CDH23: variants seen among roughly 807,000 people sequenced by gnomAD.
The protein encoded by CDH23 is cadherin-23.
Under a neutral mutation model 317.1 loss-of-function variants are expected in CDH23, and 189 were observed. The observed-to-expected ratio is 0.60, with a 90% CI of 0.53 to 0.67. The LOEUF (loss-of-function observed/expected upper bound fraction) is 0.67, where lower values mean the gene tolerates loss of function less well. CDH23 is among the 30% of genes least tolerant of loss of function. The probability of loss-of-function intolerance (pLI) is 0.00; values close to 1 mark genes in which losing one functional copy is unlikely to be tolerated. For missense variants in CDH23, 4,401 were observed against 4,592.4 expected (o/e 0.96, Z 1.20); for synonymous variants, 1,839 against 1,876.8 (o/e 0.98, Z 0.52).
chr10:71,798,196 T>G (rs1165799500), intron 49 of CDH23, among the ~76,000 whole-genome samples, 158 bp from the exon 50 acceptor site: 1 of 151,648 alleles, frequency 6.6e-6, no homozygotes. Flanking sequence ...CTGGAAAGCC[T>G]CCTGTGCTGC....
At chr10:71,659,067 G>A (rs946709045) in intron 14 of CDH23, among the ~76,000 whole-genome samples, 15 of 152,186 alleles carry the variant, frequency 9.9e-5, no homozygotes, top group South Asian at 2.1e-4. Flanking sequence ...CAGAGAGCCC[G>A]TGACACCCTG....
At chr10:71,793,033 A>G in intron 47 of CDH23, 149 bp from the exon 48 acceptor site, 1 of 552,426 alleles carries the variant, frequency 1.8e-6, no homozygotes, top group Non-Finnish European at 3.2e-6. Flanking sequence ...TTTTCCTATA[A>G]AATTGCAAGT....
intron 53 of CDH23, among the ~76,000 whole-genome samples, chr10:71,801,150 C>CT (rs386371783): frequency 0.057 from 4,207 of 73,902 alleles, 267 homozygotes; most frequent in Non-Finnish European, 0.075. Flanking sequence ...CTCTCTCTCT[C>CT]TTTTTTTTTT....
In CDH23 at chr10:71,806,229, A is replaced by G. The variant is rs1364205855; in HGVS notation, c.8126A>G (p.Gln2709Arg). 1.3e-6 allele frequency: 2 copies of G among 1,578,568 alleles called. No individual in the cohort carries two copies. The highest frequency in any genetic ancestry group is 2.3e-5 in the South Asian group (2 of 86,110). Residue 2709 changes from glutamine to arginine, a missense_variant, in exon 57 of 70, where the codon CAG (glutamine) becomes CGG (arginine). Physicochemically the swap from Gln to Arg is conservative, Grantham distance 43. Coordinates refer to ENST00000224721, the MANE Select transcript of CDH23 (RefSeq NM_022124.6). The stretch of plus-strand genomic sequence containing the variant: ...CCATACGAGACTATGCAGCCGCTGC[A>G]GGTGGCCCTGGAGGACATCGATGAC... ...PVPYETMQPLQVALEDIDDNE... is the reference protein window; with the variant it reads ...PVPYETMQPLRVALEDIDDNE...
chr10:71,659,414 G>T (rs980985558), intron 14 of CDH23, among the ~76,000 whole-genome samples: 5 of 152,312 alleles, frequency 3.3e-5, no homozygotes, highest in South Asian at 2.1e-4. Flanking sequence ...GCAGCAGGTG[G>T]GTAGGGGACC....
chr10:71,666,265 C>T lies in CDH23; in HGVS notation c.1450-8847C>T, dbSNP rs374893862. Among the ~76,000 whole-genome samples, 7 of 151,976 alleles carry T rather than the reference C, an allele frequency of 4.6e-5. No homozygotes were observed. In the East Asian group the frequency reaches 5.8e-4, roughly 13 times the overall value. On this transcript the variant is annotated intron_variant, in intron 14 of 69. Coordinates refer to ENST00000224721, the MANE Select transcript of CDH23 (RefSeq NM_022124.6). ...ATGCTCAGAAGGCCCAGAGCAGGCACGAGAGCCTTTTCCTGTGATCACAGC... is the reference window on the plus strand; with the variant it reads ...ATGCTCAGAAGGCCCAGAGCAGGCATGAGAGCCTTTTCCTGTGATCACAGC...
intron 11 of CDH23, chr10:71,617,700 T>C (rs1015154110): frequency 6.1e-6 from 2 of 327,418 alleles, no homozygotes; most frequent in Non-Finnish European, 8.8e-6. Flanking sequence ...AAAATAGCAA[T>C]TTTAAAAGGT....
chr10:71,446,487 T>G (rs1327972594), intron 3 of CDH23, 92 bp downstream of exon 3: 6 of 1,284,912 alleles, frequency 4.7e-6, no homozygotes, highest in Non-Finnish European at 6.8e-6. Flanking sequence ...TGAGGTCATC[T>G]TCCACCTGAT....
At chr10:71,725,246 C>T (rs1866752245) in intron 29 of CDH23, 126 bp from the exon 30 acceptor site, 3 of 1,506,962 alleles carry the variant, frequency 2.0e-6, no homozygotes, top group African/African-American at 1.4e-5. Flanking sequence ...TTCTGTGTCC[C>T]AGAAGACCCG....
chr10:71,636,374 C>T (rs181865264), intron 11 of CDH23, among the ~76,000 whole-genome samples: 8 of 151,982 alleles, frequency 5.3e-5, no homozygotes, highest in East Asian at 1.9e-4. Flanking sequence ...AAAAAGCATT[C>T]GCTGGGCATA....
chr10:71,697,602 A>G, intron 22 of CDH23, among the ~76,000 whole-genome samples: 1 of 151,996 alleles, frequency 6.6e-6, no homozygotes, highest in East Asian at 1.9e-4. Context: ...AGCCTGGATG[A>G]TAGAAGCTGC....
chr10:71,418,093 A>T (rs533342330), intron 1 of CDH23, among the ~76,000 whole-genome samples: 1 of 151,916 alleles, frequency 6.6e-6, no homozygotes, highest in African/African-American at 2.4e-5. Context: ...TCTTTTTTCA[A>T]CTATTGTCTT....
chr10:71,397,112 C>T lies in CDH23; in HGVS notation c.-212C>T. ...GGGCGCGCCCAGTCCGAGCCCCCGG[C>T]GCGCCTGAAGTTGCGAGCGGCGAGC... On this transcript the variant is annotated 5_prime_UTR_variant, in exon 1 of 70. Coordinates refer to ENST00000224721, the MANE Select transcript of CDH23 (RefSeq NM_022124.6). The surrounding 1 kb of genome is among the most constrained non-coding windows in gnomAD (Gnocchi z 4.8). 1 of 173,612 alleles carries T rather than the reference C, an allele frequency of 5.8e-6. No homozygotes were observed. Among genetic ancestry groups the T allele is most frequent in the Non-Finnish European group, 1.2e-5 (1 of 83,186 alleles). The allele number at this position is 173,612 out of a possible 1,614,324, so 10.8% of individuals were successfully genotyped here. A position where few individuals can be genotyped will look rare whatever the true frequency, so the allele number is the denominator to read the frequency against.
At chr10:71,524,435 C>T (rs1005307202) in intron 6 of CDH23, among the ~76,000 whole-genome samples, 19 of 152,270 alleles carry the variant, frequency 1.2e-4, no homozygotes, top group Middle Eastern at 3.4e-3. Context: ...CCTGCCAGGC[C>T]GTGGGAGAAG....
chr10:71,488,511 A>G (rs1852475972), intron 3 of CDH23, among the ~76,000 whole-genome samples: 1 of 152,204 alleles, frequency 6.6e-6, no homozygotes, highest in South Asian at 2.1e-4. Context: ...CTCCAAACCG[A>G]TAGTATACCC....
At chr10:71,420,559 GTGATGATGA>G (rs554586449) in intron 1 of CDH23, among the ~76,000 whole-genome samples, 1 of 139,462 alleles carries the variant, frequency 7.2e-6, no homozygotes, top group Non-Finnish European at 1.5e-5. Context: ...TATGATGATG[GTGATGATGA>G]TGATGATGAT....
At chr10:71,569,814 T>C (rs895913652) in intron 7 of CDH23, among the ~76,000 whole-genome samples, 5 of 152,230 alleles carry the variant, frequency 3.3e-5, no homozygotes, top group African/African-American at 1.2e-4. Flanking sequence ...TATTGCTGGC[T>C]ATTGTTATTC....
At chr10:71,398,428 A>AGGGTGTGT (rs759251355) in intron 1 of CDH23, among the ~76,000 whole-genome samples, 1 of 120,166 alleles carries the variant, frequency 8.3e-6, no homozygotes, top group Non-Finnish European at 1.7e-5. Context: ...GAGACACAGG[A>AGGGTGTGT]GTGTGTGTGT....
intron 11 of CDH23, 101 bp from the exon 12 acceptor site, chr10:71,643,760 G>T (rs1862688039): frequency 4.1e-6 from 3 of 737,198 alleles, no homozygotes; most frequent in South Asian, 2.9e-5. Context: ...ATGACCCAGG[G>T]TCTCACTGTC....
Sources: allele counts gnomAD v4.1 joint callset (sites outside exome capture counted in the v4.1 genomes callset), GRCh38; gene constraint gnomAD v4.1.1; non-coding constraint Gnocchi (gnomAD v3.1); transcripts MANE v1.5; gene names NCBI Gene and HGNC (gene_info 2026-07-23, HGNC 2026-07-21).